PDZRN4: variants seen among roughly 807,000 people sequenced by gnomAD.
The protein encoded by PDZRN4 is PDZ domain containing ring finger 4.
In PDZRN4, 70 loss-of-function variants were observed where a neutral mutation model predicts 99.0. The observed-to-expected ratio is 0.71, with a 90% confidence interval of 0.58 to 0.86. PDZRN4 has a LOEUF of 0.86. PDZRN4 is among the 40% of genes least tolerant of loss of function. PDZRN4 has a pLI of 0.00. For missense variants in PDZRN4, 1,474 were observed against 1,331.2 expected, an observed-to-expected ratio of 1.11 and a Z score of -1.67; for synonymous variants, 551 against 501.6, an observed-to-expected ratio of 1.10 and a Z score of -1.32.
At chr12:41,482,158 C>T (rs934434899) in intron 3 of PDZRN4, among the ~76,000 whole-genome samples, 4 of 152,122 alleles carry the variant, frequency 2.6e-5, no homozygotes, top group Non-Finnish European at 4.4e-5. Flanking sequence ...TCCTCATTGT[C>T]ACAAAGGGGC....
At chr12:41,197,919 G>GTTTTTTTTTTTTTTT (rs764851464) in intron 3 of PDZRN4, among the ~76,000 whole-genome samples, 1 of 113,464 alleles carries the variant, frequency 8.8e-6, no homozygotes, top group African/African-American at 3.4e-5. Flanking sequence ...GTTTTTTCTG[G>GTTTTTTTTTTTTTTT]GTTTTTTTTT....
chr12:41,480,294 G>T (rs962499231), intron 3 of PDZRN4, among the ~76,000 whole-genome samples: 1 of 152,078 alleles, frequency 6.6e-6, no homozygotes, highest in South Asian at 2.1e-4. Context: ...TTAGTTCATT[G>T]CTCAGTCACC....
At chr12:41,470,825 G>C (rs1424834296) in intron 3 of PDZRN4, among the ~76,000 whole-genome samples, 1 of 152,054 alleles carries the variant, frequency 6.6e-6, no homozygotes, top group East Asian at 1.9e-4. Flanking sequence ...CCACACAATG[G>C]GGGAGCCAGG....
chr12:41,482,311 G>T (rs1937686138), intron 3 of PDZRN4, among the ~76,000 whole-genome samples: 2 of 152,090 alleles, frequency 1.3e-5, no homozygotes, highest in South Asian at 4.1e-4. Context: ...AAATACTTTG[G>T]ACCAGTGTAG....
intron 3 of PDZRN4, among the ~76,000 whole-genome samples, chr12:41,203,492 C>G (rs1448519438): frequency 6.6e-6 from 1 of 151,882 alleles, no homozygotes; most frequent in Non-Finnish European, 1.5e-5. Context: ...GCCATTTGGT[C>G]GATTAACCTG....
At chr12:41,366,138 T>C (rs1951998811) in intron 3 of PDZRN4, among the ~76,000 whole-genome samples, 1 of 152,136 alleles carries the variant, frequency 6.6e-6, no homozygotes, top group East Asian at 1.9e-4. Context: ...CTGCCTTGTA[T>C]TGACTTAAAG....
At chr12:41,349,237 TC>T (rs1247060891) in intron 3 of PDZRN4, among the ~76,000 whole-genome samples, 1 of 151,918 alleles carries the variant, frequency 6.6e-6, no homozygotes, top group Non-Finnish European at 1.5e-5. Context: ...TAGATTAACT[TC>T]TTTTCACTGT....
In PDZRN4 at chr12:41,531,365, G is replaced by A. The variant is rs570630380; in HGVS notation, c.1204-21291G>A. 3.3e-5 allele frequency among the ~76,000 whole-genome samples: 5 copies of A among 152,202 alleles called. No homozygotes were observed. In the South Asian group the frequency reaches 6.2e-4, roughly 19 times the overall value. On this transcript the variant is annotated intron_variant, in intron 5 of 9. Transcript: ENST00000402685. The stretch of plus-strand genomic sequence containing the variant: ...GCCTGCCGGAGTTCCAGTGCCTGTC[G>A]GTGCTTACAACGTCCTCTCCAAGTC...
At chr12:41,228,809 T>C (rs1951011970) in intron 3 of PDZRN4, among the ~76,000 whole-genome samples, 1 of 152,096 alleles carries the variant, frequency 6.6e-6, no homozygotes, top group Non-Finnish European at 1.5e-5. Flanking sequence ...AATTCAATAG[T>C]ATATACAATG....
chr12:41,464,686 T>C (rs1304086662), intron 3 of PDZRN4, among the ~76,000 whole-genome samples: 2 of 152,180 alleles, frequency 1.3e-5, no homozygotes, highest in Admixed American at 6.6e-5. Context: ...CTGGGTAATT[T>C]AGTCATCACT....
chr12:41,572,143 T>C (rs1170595067), intron 9 of PDZRN4, among the ~76,000 whole-genome samples: 1 of 152,216 alleles, frequency 6.6e-6, no homozygotes, highest in African/African-American at 2.4e-5. Flanking sequence ...GTGAATATCA[T>C]AGCCATATTC....
chr12:41,545,303 C>T (rs1278020903), intron 5 of PDZRN4, among the ~76,000 whole-genome samples: 2 of 152,178 alleles, frequency 1.3e-5, no homozygotes, highest in Non-Finnish European at 2.9e-5. Context: ...ACGTAAAGTT[C>T]CTCTAACATG....
chr12:41,262,283 G>A (rs1951245705), intron 3 of PDZRN4, among the ~76,000 whole-genome samples: 1 of 152,178 alleles, frequency 6.6e-6, no homozygotes, highest in Admixed American at 6.5e-5. Context: ...GCCATGCACT[G>A]AGATAAGCAG....
chr12:41,416,384 C>A (rs561880725), intron 3 of PDZRN4, among the ~76,000 whole-genome samples: 1 of 152,164 alleles, frequency 6.6e-6, no homozygotes, highest in Non-Finnish European at 1.5e-5. Flanking sequence ...GTGGCTCACA[C>A]CTGTAATCCC....
intron 5 of PDZRN4, among the ~76,000 whole-genome samples, chr12:41,533,917 A>C (rs1938706386): frequency 1.3e-5 from 2 of 151,792 alleles, no homozygotes; most frequent in Non-Finnish European, 2.9e-5. Context: ...TTGATTGACT[A>C]TTTTTCTCAT....
At chr12:41,239,767 CAT>C (rs1370600178) in intron 3 of PDZRN4, among the ~76,000 whole-genome samples, 1 of 152,130 alleles carries the variant, frequency 6.6e-6, no homozygotes, top group Non-Finnish European at 1.5e-5. Flanking sequence ...CACTGGGAAG[CAT>C]ATATACCGGA....
At chr12:41,363,156 A>G (rs776982320) in intron 3 of PDZRN4, among the ~76,000 whole-genome samples, 7 of 152,078 alleles carry the variant, frequency 4.6e-5, no homozygotes, top group Non-Finnish European at 8.8e-5. Flanking sequence ...TAATAAAGCT[A>G]GTAATTGGAC....
At chr12:41,508,272 C>A (rs1938242560) in intron 4 of PDZRN4, among the ~76,000 whole-genome samples, 1 of 152,120 alleles carries the variant, frequency 6.6e-6, no homozygotes, top group Non-Finnish European at 1.5e-5. Flanking sequence ...TCTTGCTGCT[C>A]TTCCTAGGTC....
chr12:41,199,734 C>A (rs1466760255), intron 3 of PDZRN4, among the ~76,000 whole-genome samples: 2 of 152,068 alleles, frequency 1.3e-5, no homozygotes, highest in African/African-American at 2.4e-5. Flanking sequence ...GAACTAGAGG[C>A]CATTACCTTA....
Sources: gnomAD v4.1 joint callset for allele counts (sites outside exome capture counted in the v4.1 genomes callset) on GRCh38, gnomAD v4.1.1 for gene constraint, MANE v1.5 for transcripts, NCBI Gene and HGNC (gene_info 2026-07-23, HGNC 2026-07-21) for gene names.